The following ACADSB variants were observed in gnomAD, a reference collection of about 807,000 sequenced individuals.
ACADSB encodes short/branched chain specific acyl-CoA dehydrogenase, mitochondrial.
Under a neutral mutation model 54.1 loss-of-function variants are expected in ACADSB, and 40 were observed. The ratio of observed to expected loss-of-function variants is 0.74; its 90% CI spans 0.57 to 0.96. ACADSB has a LOEUF of 0.96. ACADSB is among the 40% of genes least tolerant of loss of function. ACADSB has a pLI of 0.00. For missense variants in ACADSB, 530 were observed against 510.4 expected (o/e 1.04, Z -0.37); for synonymous variants, 182 against 182.8 (o/e 1.00, Z 0.03).
intron 1 of ACADSB, among the ~76,000 whole-genome samples, chr10:123,017,272 T>A (rs1850119601): frequency 6.6e-6 from 1 of 152,180 alleles, no homozygotes; most frequent in Non-Finnish European, 1.5e-5. Flanking sequence ...ATTGTTGACT[T>A]GGCTAAGGTC....
chr10:123,030,482 G>A (rs1358783215), intron 1 of ACADSB, among the ~76,000 whole-genome samples: 4 of 145,034 alleles, frequency 2.8e-5, no homozygotes, highest in Admixed American at 2.1e-4. Context: ...AACTGAGATC[G>A]TACCATTGCA....
intron 1 of ACADSB, among the ~76,000 whole-genome samples, chr10:123,029,427 A>G (rs1488695728): frequency 2.0e-5 from 3 of 151,602 alleles, no homozygotes; most frequent in Non-Finnish European, 4.4e-5. Context: ...CTCAGATACA[A>G]CCTCCATCCT....
intron 7 of ACADSB, among the ~76,000 whole-genome samples, chr10:123,044,979 T>C (rs1324487136): frequency 6.6e-6 from 1 of 151,488 alleles, no homozygotes; most frequent in African/African-American, 2.4e-5. Flanking sequence ...GTTAAGTAGA[T>C]ACATAAAATG....
chr10:123,034,242 C>T, intron 1 of ACADSB, 114 bp from the exon 2 acceptor site: 1 of 1,102,306 alleles, frequency 9.1e-7, no homozygotes, highest in Non-Finnish European at 1.3e-6. Context: ...TAAAAATGCG[C>T]TAGGTTAAGT....
intron 1 of ACADSB, among the ~76,000 whole-genome samples, chr10:123,015,478 C>T (rs1023466788): frequency 6.6e-6 from 1 of 152,196 alleles, no homozygotes; most frequent in Non-Finnish European, 1.5e-5. Context: ...TCCCTGGCCT[C>T]TACTCATAAG....
At chr10:123,022,159 A>T (rs759416137) in intron 1 of ACADSB, among the ~76,000 whole-genome samples, 1 of 152,236 alleles carries the variant, frequency 6.6e-6, no homozygotes, top group Non-Finnish European at 1.5e-5. Context: ...CCTATTACCC[A>T]ACTCTAGCCA....
At chr10:123,045,082 CA>C (rs1850533833) in intron 7 of ACADSB, among the ~76,000 whole-genome samples, 1 of 117,766 alleles carries the variant, frequency 8.5e-6, no homozygotes, top group African/African-American at 3.2e-5. Context: ...TCCAGATTAA[CA>C]AAATGAATAA....
rs145295182 is a variant in ACADSB, at chr10:123,051,159, G to A, written c.1101G>A (p.Ala367=). 5.2e-5 allele frequency: 76 copies of A among 1,460,942 alleles called. No individual in the cohort carries two copies. The highest frequency in any genetic ancestry group is 3.8e-4 in the African/African-American group (23 of 61,132). 90.5% of individuals were successfully genotyped at this position (1,460,942 alleles called of 1,614,324 possible). A position where few individuals can be genotyped will look rare whatever the true frequency, so the allele number is the denominator to read the frequency against. Residue 367 remains alanine, a synonymous_variant, in exon 9 of 11, where the codon GCG becomes GCA. Coordinates refer to ENST00000358776, the MANE Select transcript of ACADSB (RefSeq NM_001609.4). ...CTGGAAAGCCATTCATAAAAGAAGC[G>A]TCAATGGCCAAATACTATGCATCAG... is the stretch of plus-strand genomic sequence containing the variant. The part of the protein sequence containing the change: ...LEAGKPFIKE[A]SMAKYYASEI...
chr10:123,045,492 A>G (rs1365631969), intron 7 of ACADSB, among the ~76,000 whole-genome samples: 1 of 151,900 alleles, frequency 6.6e-6, no homozygotes, highest in Non-Finnish European at 1.5e-5. Context: ...TGTAGAGTAT[A>G]TTTTTAATCA....
chr10:123,044,473 A>C lies in ACADSB; in HGVS notation c.888A>C (p.Gly296=). The change falls in exon 7 of 11, where the codon GGA becomes GGC. Residue 296 remains glycine, a synonymous_variant. Coordinates refer to ENST00000358776, the MANE Select transcript of ACADSB (RefSeq NM_001609.4). Reference sequence around the variant, plus strand: ...GGAGTCTCAATGAAGGTAGAATAGGAATTGCTGCACAGGTAAGTCAGATTT... The same window carrying C: ...GGAGTCTCAATGAAGGTAGAATAGGCATTGCTGCACAGGTAAGTCAGATTT... ...AIGSLNEGRI[G]IAAQMLGLAQ... 1 of 1,612,648 alleles carries C rather than the reference A, an allele frequency of 6.2e-7. No individual in the cohort carries two copies. Among genetic ancestry groups the C allele is most frequent in the East Asian group, 2.2e-5 (1 of 44,856 alleles).
At position 123,053,940 on chromosome 10, in the gene ACADSB, T is replaced by G. The variant is rs1850669556; in HGVS notation, c.*175T>G. On this transcript the variant is annotated 3_prime_UTR_variant, in exon 11 of 11. Coordinates refer to ENST00000358776, the MANE Select transcript of ACADSB (RefSeq NM_001609.4). ...CCTTTTTGGTTTTCTCTTTTCAGGC[T>G]GTTTAACTTAGGCACAGGAGATCCA... is the stretch of plus-strand genomic sequence containing the variant. The G allele has an allele frequency of 1.1e-5, 7 of 657,664 alleles. No homozygotes were observed. In the Admixed American group the frequency reaches 1.8e-4, roughly 17 times the overall value. The allele number at this position is 657,664 out of a possible 1,614,324, so 40.7% of individuals were successfully genotyped here. A position where few individuals can be genotyped will look rare whatever the true frequency, so the allele number is the denominator to read the frequency against.
At chr10:123,020,180 G>T (rs1850165550) in intron 1 of ACADSB, among the ~76,000 whole-genome samples, 2 of 152,120 alleles carry the variant, frequency 1.3e-5, no homozygotes, top group Admixed American at 6.5e-5. Context: ...GGAAGGGGGA[G>T]AAAGGGCCTC....
chr10:123,030,324 A>C (rs995737141), intron 1 of ACADSB, among the ~76,000 whole-genome samples: 6 of 152,124 alleles, frequency 3.9e-5, no homozygotes, highest in African/African-American at 1.4e-4. Context: ...CCAGGAGTTC[A>C]AGACCAGCCT....
chr10:123,018,374 C>A (rs1045594393), intron 1 of ACADSB, among the ~76,000 whole-genome samples: 4 of 152,102 alleles, frequency 2.6e-5, no homozygotes, highest in East Asian at 1.9e-4. Flanking sequence ...GCTTATTTAA[C>A]CCTCTTTTGA....
Position 123,057,541 on chromosome 10 carries a change from A to G in ACADSB, c.*3776A>G, listed in dbSNP as rs989175340. The G allele has an allele frequency of 1.3e-5, 2 of 152,176 alleles. No individual in the cohort carries two copies. The highest frequency in any genetic ancestry group is 4.8e-5 in the African/African-American group (2 of 41,452). 9.4% of individuals were successfully genotyped at this position (152,176 alleles called of 1,614,324 possible). On this transcript the variant is annotated 3_prime_UTR_variant, in exon 11 of 11. Coordinates refer to ENST00000358776, the MANE Select transcript of ACADSB (RefSeq NM_001609.4). ...AGCCATCAGCCTCCTGAAGCCTGCC[A>G]TCATTGTTAATTTGAGGACTGGGCT...
chr10:123,030,508 C>G (rs1309697061), intron 1 of ACADSB, among the ~76,000 whole-genome samples: 1 of 133,202 alleles, frequency 7.5e-6, no homozygotes, highest in African/African-American at 2.8e-5. Flanking sequence ...GCCTGGGTGA[C>G]AGAGCGAGAC....
chr10:123,057,866 A>C lies in ACADSB; in HGVS notation c.*4101A>C, dbSNP rs1199719680. The C allele has an allele frequency of 1.3e-5, 2 of 152,230 alleles. No homozygotes were observed. The highest frequency in any genetic ancestry group is 4.8e-5 in the African/African-American group (2 of 41,464). The allele number at this position is 152,230 out of a possible 1,614,324, so 9.4% of individuals were successfully genotyped here. ...GGGACAAGAATTAGTCCCCAAATTC[A>C]GTGTTCTTCCTAGTATTAAACATTG... On this transcript the variant is annotated 3_prime_UTR_variant, in exon 11 of 11. Transcript: ENST00000358776.
In ACADSB at chr10:123,041,317, T is replaced by G; in HGVS notation, c.619T>G (p.Trp207Gly). ...DYYVLNGSKM[W>G]ISSAEHAGLF... ...TTATGTCCTCAATGGATCAAAGATG[T>G]GGATCAGCAGTGCTGAGCACGCAGG... Residue 207 changes from tryptophan (W) to glycine (G), a missense_variant, in exon 5 of 11, where the codon TGG becomes GGG. Coordinates refer to ENST00000358776, the MANE Select transcript of ACADSB (RefSeq NM_001609.4). The G allele has an allele frequency of 1.2e-6, 2 of 1,614,210 alleles. 1 individual carries two copies. Among genetic ancestry groups the G allele is most frequent in the South Asian group, 2.2e-5 (2 of 91,084 alleles).
intron 8 of ACADSB, among the ~76,000 whole-genome samples, chr10:123,049,498 G>T (rs1198300208): frequency 6.6e-6 from 1 of 152,210 alleles, no homozygotes; most frequent in African/African-American, 2.4e-5. Context: ...GTGACTGTAA[G>T]TTTAATTGAA....
Sources: allele counts gnomAD v4.1 joint callset (sites outside exome capture counted in the v4.1 genomes callset), GRCh38; gene constraint gnomAD v4.1.1; transcripts MANE v1.5; gene names NCBI Gene and HGNC (gene_info 2026-07-23, HGNC 2026-07-21).